Variants in FRMPD4 observed in about 807,000 individuals in gnomAD.
The protein encoded by FRMPD4 is FERM and PDZ domain-containing protein 4.
A neutral mutation model predicts 94.1 loss-of-function variants in FRMPD4; 22 were observed. That is an observed-to-expected ratio of 0.23 (90% CI 0.17 to 0.33). The LOEUF (loss-of-function observed/expected upper bound fraction) is 0.33. FRMPD4 is among the 10% of genes least tolerant of loss of function. The pLI is 1.00. For synonymous variants in FRMPD4, 631 were observed against 548.6 expected, an observed-to-expected ratio of 1.15 and a Z score of -2.10; for missense variants, 1,111 against 1,339.9, an observed-to-expected ratio of 0.83 and a Z score of 2.67.
intron 1 of FRMPD4, among the ~76,000 whole-genome samples, chrX:12,480,353 G>T (rs868625799): frequency 5.7e-5 from 2 of 34,827 alleles, no homozygotes; most frequent in Non-Finnish European, 1.2e-4. Context: ...AAAAAAAAAA[G>T]CAAAATTTCC....
chrX:12,267,110 G>C (rs2054288070), intron 1 of FRMPD4, among the ~76,000 whole-genome samples: 1 of 111,838 alleles, frequency 8.9e-6, no homozygotes, highest in Non-Finnish European at 1.9e-5. Flanking sequence ...CAAATGCAAG[G>C]TTTCTGCTGA....
At chrX:12,664,521 G>A (rs770683628) in intron 4 of FRMPD4, among the ~76,000 whole-genome samples, 14 of 112,027 alleles carry the variant, frequency 1.2e-4, no homozygotes, top group South Asian at 1.1e-3. Context: ...ATTTGCATAC[G>A]TTGAACCAGC....
intron 4 of FRMPD4, among the ~76,000 whole-genome samples, chrX:12,654,349 G>C (rs1370580252): frequency 9.0e-6 from 1 of 111,381 alleles, no homozygotes; most frequent in Non-Finnish European, 1.9e-5. Context: ...TTATAGGTAG[G>C]TAGTGCTCAT....
At chrX:12,646,765 A>G (rs1404963020) in intron 4 of FRMPD4, among the ~76,000 whole-genome samples, 1 of 112,706 alleles carries the variant, frequency 8.9e-6, no homozygotes, top group Non-Finnish European at 1.9e-5. Flanking sequence ...CAACATTAAA[A>G]ATAGTATTTC....
intron 1 of FRMPD4, among the ~76,000 whole-genome samples, chrX:12,156,139 G>A (rs1158093941): frequency 9.0e-6 from 1 of 111,563 alleles, no homozygotes; most frequent in Non-Finnish European, 1.9e-5. Context: ...GCATATAGTG[G>A]GAAGGGGCCA....
At chrX:12,068,320 C>T (rs912892481) in intron 3 of FRMPD4, among the ~76,000 whole-genome samples, 4 of 111,883 alleles carry the variant, frequency 3.6e-5, no homozygotes, top group Admixed American at 9.5e-5. Flanking sequence ...GCTTTAAGCG[C>T]CTAAATTTGT....
chrX:12,147,013 C>G (rs746603867), intron 1 of FRMPD4, among the ~76,000 whole-genome samples: 13 of 112,444 alleles, frequency 1.2e-4, no homozygotes, highest in Middle Eastern at 4.6e-3. Context: ...TACCCTCATT[C>G]CATTAGGCAG....
intron 1 of FRMPD4, among the ~76,000 whole-genome samples, chrX:12,462,337 C>T (rs1373552415): frequency 8.9e-6 from 1 of 112,211 alleles, no homozygotes; most frequent in Non-Finnish European, 1.9e-5. Context: ...TATAACTCCA[C>T]TGACCGTCAA....
intron 1 of FRMPD4, among the ~76,000 whole-genome samples, chrX:12,469,212 G>A (rs1374634665): frequency 3.6e-5 from 4 of 111,329 alleles, no homozygotes; most frequent in Non-Finnish European, 7.5e-5. Context: ...GAAACTAACA[G>A]GGGCCCTTCC....
chrX:11,834,188 G>A (rs1480909955), intron 1 of FRMPD4, among the ~76,000 whole-genome samples: 1 of 111,479 alleles, frequency 9.0e-6, no homozygotes, highest in Non-Finnish European at 1.9e-5. Context: ...TTTAACTTCA[G>A]ACCACTTAAG....
At chrX:12,489,130 C>T (rs2057767756) in intron 1 of FRMPD4, among the ~76,000 whole-genome samples, 1 of 111,599 alleles carries the variant, frequency 9.0e-6, no homozygotes, top group Non-Finnish European at 1.9e-5. Flanking sequence ...AACTTAGCCT[C>T]CTCAGAATAG....
chrX:12,039,844 C>G (rs1170431868), intron 3 of FRMPD4, among the ~76,000 whole-genome samples: 1 of 108,452 alleles, frequency 9.2e-6, no homozygotes, highest in African/African-American at 3.4e-5. Flanking sequence ...TGGCACATGC[C>G]TGTAATTCCA....
At chrX:12,618,748 G>A (rs2059260006) in intron 4 of FRMPD4, among the ~76,000 whole-genome samples, 1 of 111,404 alleles carries the variant, frequency 9.0e-6, no homozygotes, top group Non-Finnish European at 1.9e-5. Flanking sequence ...GTTAGAATGG[G>A]TGCACTAGAT....
At chrX:12,248,710 T>G (rs1391919413) in intron 1 of FRMPD4, among the ~76,000 whole-genome samples, 4 of 112,486 alleles carry the variant, frequency 3.6e-5, no homozygotes, top group Non-Finnish European at 3.8e-5. Context: ...TGATGTCTGT[T>G]CTTTTAGCCT....
chrX:12,342,725 A>G lies in FRMPD4; in HGVS notation c.42-155955A>G, dbSNP rs150828011. Among the ~76,000 whole-genome samples, 699 of 112,581 alleles carry G rather than the reference A, an allele frequency of 6.2e-3. 6 individuals carry two copies. Among genetic ancestry groups the G allele is most frequent in the African/African-American group, 0.022 (671 of 31,014 alleles). On this transcript the variant is annotated intron_variant, in intron 1 of 16. Transcript: ENST00000675598. Reference sequence around the variant, plus strand: ...GGTTAAAGGAGTTAAGGGTCACTTTATAGAGGGCTGTAAAGACCAAACTGA... The same window carrying G: ...GGTTAAAGGAGTTAAGGGTCACTTTGTAGAGGGCTGTAAAGACCAAACTGA...
chrX:12,139,155 G>A, intron 1 of FRMPD4, 143 bp downstream of exon 1: 1 of 440,551 alleles, frequency 2.3e-6, no homozygotes, highest in Non-Finnish European at 3.7e-6. Flanking sequence ...GGGCTTCCAC[G>A]TTCAACTTAT....
At chrX:12,098,552 G>T (rs1397378951) in intron 3 of FRMPD4, among the ~76,000 whole-genome samples, 1 of 112,314 alleles carries the variant, frequency 8.9e-6, no homozygotes. Context: ...TTTGTTTGGG[G>T]ACTGAATAAT....
chrX:12,164,952 C>A (rs1249518231), intron 1 of FRMPD4, among the ~76,000 whole-genome samples: 1 of 111,918 alleles, frequency 8.9e-6, no homozygotes, highest in African/African-American at 3.2e-5. Context: ...GATATTAGCC[C>A]TTTGTCAGAT....
intron 1 of FRMPD4, among the ~76,000 whole-genome samples, chrX:12,372,464 C>T (rs779243256): frequency 6.2e-5 from 7 of 113,113 alleles, no homozygotes; most frequent in African/African-American, 2.2e-4. Flanking sequence ...GAGCTGTAGC[C>T]TAGCCTTACA....
Sources: gnomAD v4.1 joint callset for allele counts (sites outside exome capture counted in the v4.1 genomes callset) on GRCh38, gnomAD v4.1.1 for gene constraint, MANE v1.5 for transcripts, NCBI Gene and HGNC (gene_info 2026-07-23, HGNC 2026-07-21) for gene names.